The following KIF18B variants were observed in gnomAD, a reference collection of about 807,000 sequenced individuals.
The protein encoded by KIF18B is kinesin-like protein KIF18B.
KIF18B carries 49 observed loss-of-function variants against 80.9 expected under a neutral mutation model. The ratio of observed to expected loss-of-function variants is 0.61; its 90% CI spans 0.48 to 0.77. KIF18B has a LOEUF of 0.77. Among genes scored for constraint, KIF18B ranks in the 30% least tolerant of loss-of-function variants. KIF18B has a pLI of 0.00. For synonymous variants in KIF18B, 439 were observed against 463.9 expected (o/e 0.95, Z 0.69); for missense variants, 994 against 1,127.7 (o/e 0.88, Z 1.70).
intron 11 of KIF18B, among the ~76,000 whole-genome samples, chr17:44,929,839 C>T (rs1166181979): frequency 6.6e-6 from 1 of 152,168 alleles, no homozygotes; most frequent in African/African-American, 2.4e-5. Context: ...AGGCGTATTT[C>T]ACAGGCACTG....
chr17:44,937,516 C>G (rs7212001), intron 1 of KIF18B, among the ~76,000 whole-genome samples: 2 of 151,912 alleles, frequency 1.3e-5, no homozygotes, highest in African/African-American at 4.8e-5. Context: ...TAATTGCTCC[C>G]GTGGATGGAA....
At position 44,934,169 on chromosome 17, in the gene KIF18B, T is replaced by C. The variant is rs563682799; in HGVS notation, c.885+64A>G. 55 of 1,596,144 alleles carry C rather than the reference T, an allele frequency of 3.4e-5. No homozygotes were observed. In the Middle Eastern group the frequency reaches 8.4e-4, roughly 24 times the overall value. On this transcript the variant is annotated intron_variant, in intron 6 of 15. Transcript: ENST00000593135. The surrounding 1 kb of genome is among the most constrained non-coding windows in gnomAD (Gnocchi z 5.4). ...TGACCCAGGATGGGGCCCTGTGGCCTTTGGCCCTGGGTTCAGGTGCTCAGT... is the reference window on the plus strand; with the variant it reads ...TGACCCAGGATGGGGCCCTGTGGCCCTTGGCCCTGGGTTCAGGTGCTCAGT...
chr17:44,935,716 AC>A (rs987238572), intron 2 of KIF18B, among the ~76,000 whole-genome samples: 3 of 151,864 alleles, frequency 2.0e-5, no homozygotes, highest in African/African-American at 7.3e-5. Context: ...CTTACCACTT[AC>A]CCTGGTTTAT....
At chr17:44,939,988 G>A (rs1371276300) in intron 1 of KIF18B, among the ~76,000 whole-genome samples, 1 of 152,126 alleles carries the variant, frequency 6.6e-6, no homozygotes, top group Non-Finnish European at 1.5e-5. Context: ...ATTTTTAGTA[G>A]AGGTGGGGTC....
At chr17:44,932,867 T>C in intron 8 of KIF18B, 45 bp downstream of exon 8, 1 of 1,586,814 alleles carries the variant, frequency 6.3e-7, no homozygotes, top group African/African-American at 1.3e-5. Flanking sequence ...AGCTCCTGCC[T>C]CTGGCTGTCG....
chr17:44,943,632 C>T (rs1457337789), intron 1 of KIF18B, among the ~76,000 whole-genome samples: 1 of 152,104 alleles, frequency 6.6e-6, no homozygotes, highest in Admixed American at 6.5e-5. Flanking sequence ...AATTTGTCTC[C>T]ATTTCTAGTT....
At chr17:44,936,884 C>T (rs950652307) in intron 1 of KIF18B, among the ~76,000 whole-genome samples, 8 of 151,114 alleles carry the variant, frequency 5.3e-5, no homozygotes, top group African/African-American at 7.3e-5. Context: ...CCTCATGATT[C>T]GCCCACCTCA....
Position 44,925,024 on chromosome 17 carries a change from A to T in KIF18B, c.*1056T>A, listed in dbSNP as rs1232872711. On this transcript the variant is annotated 3_prime_UTR_variant, in exon 16 of 16. Transcript: ENST00000593135. ...TCCCTCTCAGAAACCAGGAAGAGCC[A>T]AGCCGCGACTCCCCGCTCCCCAACC... 1 of 152,158 alleles carries T rather than the reference A, an allele frequency of 6.6e-6. No individual in the cohort carries two copies. Among genetic ancestry groups the T allele is most frequent in the Non-Finnish European group, 1.5e-5 (1 of 68,038 alleles). The allele number at this position is 152,158 out of a possible 1,614,324, so 9.4% of individuals were successfully genotyped here.
rs1170146450 is a variant in KIF18B at position 44,927,577 on chromosome 17, C to T, written c.2276+449G>A. Reference sequence around the variant, plus strand: ...TACTGAACTGAGTTTTCTAAGGACCCCCTTTCCTGTTCCAGATGCTGGGCC... The same window carrying T: ...TACTGAACTGAGTTTTCTAAGGACCTCCTTTCCTGTTCCAGATGCTGGGCC... On this transcript the variant is annotated intron_variant, in intron 13 of 15. Transcript: ENST00000593135. The surrounding 1 kb of genome is among the most constrained non-coding windows in gnomAD (Gnocchi z 4.1). 6.6e-6 allele frequency among the ~76,000 whole-genome samples: 1 copy of T among 152,236 alleles called. No individual in the cohort carries two copies. The highest frequency in any genetic ancestry group is 1.9e-4 in the East Asian group (1 of 5,192).
chr17:44,932,329 G>T, intron 9 of KIF18B, 123 bp from the exon 10 acceptor site: 1 of 1,122,440 alleles, frequency 8.9e-7, no homozygotes, highest in Non-Finnish European at 1.2e-6. Context: ...CACCCAGGTC[G>T]TATAGAGTCC....
chr17:44,926,649 G>C, intron 14 of KIF18B, 150 bp from the exon 15 acceptor site: 1 of 756,990 alleles, frequency 1.3e-6, no homozygotes, highest in Non-Finnish European at 2.1e-6. Context: ...CTGGATCTAA[G>C]GGTGGGAGAG....
At chr17:44,926,605 A>G in intron 14 of KIF18B, 106 bp from the exon 15 acceptor site, 1 of 1,158,574 alleles carries the variant, frequency 8.6e-7, no homozygotes, top group Non-Finnish European at 1.2e-6. Context: ...CCCTGAGAGC[A>G]AAGGCTGCTG....
At position 44,925,887 on chromosome 17, in the gene KIF18B, A is replaced by G; in HGVS notation, c.*193T>C. The stretch of plus-strand genomic sequence containing the variant: ...GCCAAGAAGCTGAGTGTAACAGGAG[A>G]TTAACAGAGGGTGAGTAGCAGGATG... On this transcript the variant is annotated 3_prime_UTR_variant, in exon 16 of 16. Coordinates refer to ENST00000593135, the MANE Select transcript of KIF18B (RefSeq NM_001265577.2). The G allele has an allele frequency of 1.6e-6, 1 of 631,086 alleles. No individual in the cohort carries two copies. Among genetic ancestry groups the G allele is most frequent in the Non-Finnish European group, 2.8e-6 (1 of 354,672 alleles). 39.1% of individuals were successfully genotyped at this position (631,086 alleles called of 1,614,324 possible).
chr17:44,939,366 CAAAAAAAAAAAA>C lies in KIF18B; in HGVS notation c.-14-3020_-14-3009del, dbSNP rs781348504. The stretch of plus-strand genomic sequence containing the variant: ...AGCCTGGGTGACAGAGACTCCATCT[CAAAAAAAAAAAA>C]AAAAAAAAAAAAAAGAAACATGAAT... On this transcript the variant is annotated intron_variant, in intron 1 of 15. Coordinates refer to ENST00000593135, the MANE Select transcript of KIF18B (RefSeq NM_001265577.2). Among the ~76,000 whole-genome samples, 5 of 36,948 alleles carry C rather than the reference CAAAAAAAAAAAA, an allele frequency of 1.4e-4. No individual in the cohort carries two copies. The East Asian group carries it at 3.0e-3, about 22-fold the overall frequency. 24.2% of individuals were successfully genotyped at this position (36,948 alleles called of 152,430 possible).
In KIF18B at chr17:44,928,569, G is replaced by A. The variant is rs1181651315; in HGVS notation, c.1733C>T (p.Pro578Leu). 9 of 1,451,084 alleles carry A rather than the reference G, an allele frequency of 6.2e-6. No homozygotes were observed. Among genetic ancestry groups the A allele is most frequent in the South Asian group, 1.5e-5 (1 of 68,722 alleles). The allele number at this position is 1,451,084 out of a possible 1,614,324, so 89.9% of individuals were successfully genotyped here. ...QELCSESIPV[P>L]SPLCPEPPGY... is the part of the protein sequence containing the mutation. ...TGGAGGCTCTGGGCAGAGAGGAGAC[G>A]GCACAGGGACTGCACAGAAGGAAGG... is the stretch of plus-strand genomic sequence containing the variant. The change falls in exon 13 of 16, where the codon CCG (proline) becomes CTG (leucine). Residue 578 changes from proline to leucine, a missense_variant. Transcript: ENST00000593135.
chr17:44,941,330 TTTTC>T (rs1269894588), intron 1 of KIF18B, among the ~76,000 whole-genome samples: 9 of 145,936 alleles, frequency 6.2e-5, no homozygotes, highest in African/African-American at 1.0e-4. Context: ...CTGTACCTAA[TTTTC>T]TTTTTCTTTT....
chr17:44,936,431 G>T, intron 1 of KIF18B, 73 bp from the exon 2 acceptor site: 1 of 1,331,592 alleles, frequency 7.5e-7, no homozygotes, highest in Non-Finnish European at 1.0e-6. Context: ...AGTACTCCAA[G>T]GTCCCCTCCA....
rs1305491011 is a variant in KIF18B, at chr17:44,928,300, G to A, written c.2002C>T (p.Pro668Ser). 28 of 1,613,370 alleles carry A rather than the reference G, an allele frequency of 1.7e-5. No individual in the cohort carries two copies. Among genetic ancestry groups the A allele is most frequent in the Non-Finnish European group, 2.4e-5 (28 of 1,179,800 alleles). ...TTGGGGGTGCTGGGCCCCTGTGAAGGTTGGGTGTCAGGCAGAGACCCTCTC... is the reference window on the plus strand; with the variant it reads ...TTGGGGGTGCTGGGCCCCTGTGAAGATTGGGTGTCAGGCAGAGACCCTCTC... Reference protein sequence around the residue: ...LRRGSLPDTQPSQGPSTPKGE... With the variant: ...LRRGSLPDTQSSQGPSTPKGE... Residue 668 changes from proline to serine, a missense_variant, in exon 13 of 16, where the codon CCT becomes TCT. Pro to Ser is a moderately conservative substitution (Grantham distance 74). Coordinates refer to ENST00000593135, the MANE Select transcript of KIF18B (RefSeq NM_001265577.2).
At chr17:44,936,607 TATATATATATATATA>T in intron 1 of KIF18B, among the ~76,000 whole-genome samples, 1 of 75,532 alleles carries the variant, frequency 1.3e-5, no homozygotes, top group African/African-American at 5.4e-5. Context: ...TCTATATATA[TATATATATATATATA>T]TATTTTTTTT....
Sources: gnomAD v4.1 joint callset for allele counts (sites outside exome capture counted in the v4.1 genomes callset) on GRCh38, gnomAD v4.1.1 for gene constraint, Gnocchi (gnomAD v3.1) non-coding constraint, MANE v1.5 for transcripts, NCBI Gene and HGNC (gene_info 2026-07-23, HGNC 2026-07-21) for gene names.